Variants in KLF8 observed in about 807,000 individuals in gnomAD.
KLF8 encodes Krueppel-like factor 8.
Under a neutral mutation model 18.2 loss-of-function variants are expected in KLF8, and 10 were observed. That is an observed-to-expected ratio of 0.55 (90% CI 0.34 to 0.93). The LOEUF is 0.93. Among genes scored for constraint, KLF8 ranks in the 40% least tolerant of loss-of-function variants. The pLI is 0.02. For missense variants in KLF8, 264 were observed against 277.9 expected (o/e 0.95, Z 0.36); for synonymous variants, 109 against 97.3 (o/e 1.12, Z -0.71).
the KLF8 span, among the ~76,000 whole-genome samples, chrX:56,204,999 A>G: frequency 9.0e-6 from 1 of 110,938 alleles, no homozygotes; most frequent in African/African-American, 3.3e-5. Context: ...TCGAGCTGCA[A>G]AATGACCTAC....
intron 1 of KLF8, among the ~76,000 whole-genome samples, chrX:56,245,740 A>T (rs1167507787): frequency 8.9e-6 from 1 of 112,415 alleles, no homozygotes; most frequent in East Asian, 2.8e-4. Context: ...CCCAGGCCAT[A>T]TATACTATAA....
At chrX:56,161,466 T>A in the KLF8 span, among the ~76,000 whole-genome samples, 21 of 111,998 alleles carry the variant, frequency 1.9e-4, no homozygotes, top group South Asian at 7.8e-3. Context: ...TTTGTTCATT[T>A]CTTTTTATTC....
At chrX:55,916,749 G>C in the KLF8 span, among the ~76,000 whole-genome samples, 2 of 111,995 alleles carry the variant, frequency 1.8e-5, no homozygotes, top group African/African-American at 6.5e-5. Flanking sequence ...TTTCCCGTTT[G>C]TGGGTCCCCT....
chrX:56,151,912 CATGGGA>C, the KLF8 span, among the ~76,000 whole-genome samples: 4 of 111,413 alleles, frequency 3.6e-5, no homozygotes, highest in African/African-American at 1.3e-4. Context: ...TTTAAAGCAT[CATGGGA>C]ATGGATAAGT....
rs920651259 is a variant in KLF8 at position 56,286,780 on chromosome X, C to G, written c.*2286C>G. 1 of 111,711 alleles carries G rather than the reference C, an allele frequency of 9.0e-6. No individual in the cohort carries two copies. The highest frequency in any genetic ancestry group is 1.9e-5 in the Non-Finnish European group (1 of 53,173). 9.2% of individuals were successfully genotyped at this position (111,711 alleles called of 1,213,427 possible). On this transcript the variant is annotated 3_prime_UTR_variant, in exon 6 of 6. Transcript: ENST00000468660. ...ATTGTTATTTCGATAGGGCTTTTTCCTGATTTTGGGTATACAAGTTCCAAA... is the reference window on the plus strand; with the variant it reads ...ATTGTTATTTCGATAGGGCTTTTTCGTGATTTTGGGTATACAAGTTCCAAA...
intron 2 of KLF8, among the ~76,000 whole-genome samples, chrX:56,260,254 G>T (rs372509322): frequency 9.0e-6 from 1 of 111,231 alleles, no homozygotes; most frequent in African/African-American, 3.3e-5. Flanking sequence ...TTTCCAAAAA[G>T]ACTCTGGGAA....
chrX:56,073,773 TTCAC>T, the KLF8 span, among the ~76,000 whole-genome samples: 4 of 106,836 alleles, frequency 3.7e-5, no homozygotes, highest in Admixed American at 3.0e-4. Context: ...TGGAAAGAGT[TTCAC>T]TCTTCTCGCC....
chrX:56,046,377 A>G, the KLF8 span, among the ~76,000 whole-genome samples: 1 of 111,156 alleles, frequency 9.0e-6, no homozygotes, highest in African/African-American at 3.3e-5. Context: ...TGTTATTAGT[A>G]CTTTGGAACA....
the KLF8 span, among the ~76,000 whole-genome samples, chrX:56,038,880 G>T: frequency 1.3e-4 from 14 of 111,966 alleles, no homozygotes; most frequent in Admixed American, 2.8e-4. Context: ...AGAATCTGTT[G>T]TTCTTGGACT....
At chrX:56,115,077 G>A in the KLF8 span, among the ~76,000 whole-genome samples, 13,835 of 110,686 alleles carry the variant, frequency 0.12, 1,602 homozygotes, top group African/African-American at 0.37. Context: ...TCTATTTGTG[G>A]TAAGATTATG....
upstream of KLF8, among the ~76,000 whole-genome samples, chrX:56,227,874 AACAC>A (rs72391707): frequency 0.05 from 4,243 of 85,166 alleles, 76 homozygotes; most frequent in African/African-American, 0.054. Flanking sequence ...CCCTAGCCCC[AACAC>A]ACACACACAC....
the KLF8 span, among the ~76,000 whole-genome samples, chrX:56,083,772 G>C: frequency 9.0e-6 from 1 of 111,221 alleles, no homozygotes; most frequent in Non-Finnish European, 1.9e-5. Context: ...GATTCTCATA[G>C]GAGTGTGTAC....
At chrX:56,006,567 G>A in the KLF8 span, among the ~76,000 whole-genome samples, 1 of 112,183 alleles carries the variant, frequency 8.9e-6, no homozygotes, top group Non-Finnish European at 1.9e-5. Context: ...CTGTGGTTTT[G>A]ATTTGCAATT....
the KLF8 span, among the ~76,000 whole-genome samples, chrX:55,995,430 A>G: frequency 8.9e-6 from 1 of 112,143 alleles, no homozygotes; most frequent in Non-Finnish European, 1.9e-5. Context: ...TCTTCATGTT[A>G]GCTCATTCTC....
the KLF8 span, among the ~76,000 whole-genome samples, chrX:56,209,636 AT>A: frequency 9.0e-6 from 1 of 111,638 alleles, no homozygotes; most frequent in Non-Finnish European, 1.9e-5. Context: ...AAAAACATAA[AT>A]AAGTAAATAA....
the KLF8 span, among the ~76,000 whole-genome samples, chrX:56,033,283 A>C: frequency 1.8e-5 from 2 of 111,423 alleles, no homozygotes; most frequent in African/African-American, 3.3e-5. Context: ...ATTTTTCTTT[A>C]TGTGGCTGGC....
At chrX:56,196,494 CAAAG>C in the KLF8 span, among the ~76,000 whole-genome samples, 1 of 111,737 alleles carries the variant, frequency 8.9e-6, no homozygotes, top group Non-Finnish European at 1.9e-5. Flanking sequence ...TCAAAAGAGA[CAAAG>C]AAGGCCATTA....
At chrX:55,983,318 T>C in the KLF8 span, among the ~76,000 whole-genome samples, 1 of 111,499 alleles carries the variant, frequency 9.0e-6, no homozygotes, top group Non-Finnish European at 1.9e-5. Flanking sequence ...TACTGAATTA[T>C]ACCTAAATAA....
the KLF8 span, among the ~76,000 whole-genome samples, chrX:56,106,220 C>T: frequency 9.0e-6 from 1 of 111,229 alleles, no homozygotes; most frequent in Admixed American, 9.6e-5. Flanking sequence ...CAAGGAGTAT[C>T]TTTGTGGCAT....
Sources: allele counts gnomAD v4.1 joint callset (sites outside exome capture counted in the v4.1 genomes callset), GRCh38; gene constraint gnomAD v4.1.1; transcripts MANE v1.5; gene names NCBI Gene and HGNC (gene_info 2026-07-23, HGNC 2026-07-21).